CSMD1: variants seen among roughly 807,000 people sequenced by gnomAD.
CSMD1 encodes the protein CUB and Sushi multiple domains 1.
A neutral mutation model predicts 417.5 loss-of-function variants in CSMD1; 213 were observed. That is an observed-to-expected ratio of 0.51 (90% CI 0.46 to 0.57). CSMD1 has a LOEUF of 0.57. Among genes scored for constraint, CSMD1 ranks in the 20% least tolerant of loss-of-function variants. CSMD1 has a pLI of 0.00. For synonymous variants in CSMD1, 2,862 were observed against 1,736.8 expected (o/e 1.65, Z -16.11); for missense variants, 6,923 against 4,529.7 (o/e 1.53, Z -15.17).
chr8:4,806,115 C>T (rs1159666300), intron 1 of CSMD1, among the ~76,000 whole-genome samples: 2 of 152,110 alleles, frequency 1.3e-5, no homozygotes, highest in Non-Finnish European at 2.9e-5. Context: ...CCAGCAAAAA[C>T]GTTTAATTAC....
In CSMD1 at chr8:3,511,490, C is replaced by T. The variant is rs566342636; in HGVS notation, c.1345-17764G>A. 1.1e-4 allele frequency among the ~76,000 whole-genome samples: 16 copies of T among 151,834 alleles called. 1 individual carries two copies. The highest frequency in any genetic ancestry group is 3.2e-4 in the African/African-American group (13 of 41,144). ...CTGTGGCCAGCCAGGCACGTTGGCT[C>T]ACGGCTGTAATCCCTGCACTTTGGG... is the stretch of plus-strand genomic sequence containing the variant. On this transcript the variant is annotated intron_variant, in intron 10 of 69. Coordinates refer to ENST00000635120, the MANE Select transcript of CSMD1 (RefSeq NM_033225.6).
intron 33 of CSMD1, among the ~76,000 whole-genome samples, chr8:3,193,121 C>G (rs1796514769): frequency 6.6e-6 from 1 of 152,018 alleles, no homozygotes; most frequent in Admixed American, 6.6e-5. Context: ...TATCTGGGAG[C>G]TATACAAATA....
At chr8:3,694,530 C>T (rs899588723) in intron 7 of CSMD1, among the ~76,000 whole-genome samples, 4 of 151,932 alleles carry the variant, frequency 2.6e-5, no homozygotes, top group Non-Finnish European at 4.4e-5. Context: ...ATCAGGAGGC[C>T]GGGTGAGATC....
At chr8:4,279,673 T>C (rs1441116896) in intron 3 of CSMD1, among the ~76,000 whole-genome samples, 8 of 152,222 alleles carry the variant, frequency 5.3e-5, no homozygotes, top group South Asian at 4.1e-4. Flanking sequence ...GTTCAACTTA[T>C]AATTAGCCAA....
intron 10 of CSMD1, among the ~76,000 whole-genome samples, chr8:3,501,077 T>C (rs141553967): frequency 0.013 from 2,025 of 152,150 alleles, 45 homozygotes; most frequent in African/African-American, 0.046. Context: ...TTCCCAAAAA[T>C]CAAAAATAAA....
At chr8:3,193,205 A>C (rs1796517575) in intron 33 of CSMD1, among the ~76,000 whole-genome samples, 1 of 152,222 alleles carries the variant, frequency 6.6e-6, no homozygotes, top group African/African-American at 2.4e-5. Flanking sequence ...AGTTCCCAAA[A>C]TGAGGAGAAA....
chr8:3,344,126 T>C (rs1205826812), intron 22 of CSMD1, among the ~76,000 whole-genome samples: 1 of 152,196 alleles, frequency 6.6e-6, no homozygotes, highest in Non-Finnish European at 1.5e-5. Context: ...AAGACAAGGC[T>C]TGGTTTTGAC....
At chr8:4,733,391 C>G (rs996854270) in intron 1 of CSMD1, among the ~76,000 whole-genome samples, 1 of 152,162 alleles carries the variant, frequency 6.6e-6, no homozygotes, top group Non-Finnish European at 1.5e-5. Flanking sequence ...GACTCATGCC[C>G]AGAATAACCA....
chr8:4,213,259 G>C (rs1303797941), intron 3 of CSMD1, among the ~76,000 whole-genome samples: 1 of 152,144 alleles, frequency 6.6e-6, no homozygotes, highest in East Asian at 1.9e-4. Flanking sequence ...CTGTCAGCAA[G>C]TGAGGCGGGG....
chr8:3,995,909 TAC>T (rs1360140350), intron 5 of CSMD1, among the ~76,000 whole-genome samples: 1 of 152,116 alleles, frequency 6.6e-6, no homozygotes, highest in East Asian at 1.9e-4. Flanking sequence ...CCCTAGCAAA[TAC>T]AGAGAGAGAT....
chr8:3,668,224 C>T (rs1407610288), intron 7 of CSMD1, among the ~76,000 whole-genome samples: 2 of 152,068 alleles, frequency 1.3e-5, no homozygotes, highest in African/African-American at 2.4e-5. Flanking sequence ...AACTGACATC[C>T]GTCCACCACT....
intron 18 of CSMD1, among the ~76,000 whole-genome samples, chr8:3,372,556 G>A (rs527852038): frequency 2.0e-5 from 3 of 152,230 alleles, no homozygotes; most frequent in East Asian, 1.9e-4. Context: ...AGGTAGAGCC[G>A]GTGGGACTTT....
At chr8:4,013,331 T>TTG (rs1224110597) in intron 4 of CSMD1, among the ~76,000 whole-genome samples, 9 of 152,176 alleles carry the variant, frequency 5.9e-5, no homozygotes, top group Non-Finnish European at 1.3e-4. Context: ...CGTACGCTGT[T>TTG]GTCTCAAGGC....
At chr8:4,799,743 G>T (rs1037916056) in intron 1 of CSMD1, among the ~76,000 whole-genome samples, 3 of 149,744 alleles carry the variant, frequency 2.0e-5, no homozygotes, top group African/African-American at 7.4e-5. Flanking sequence ...ATGTCAAAAA[G>T]CTTTACATTT....
chr8:4,761,655 T>C (rs527293932), intron 1 of CSMD1, among the ~76,000 whole-genome samples: 5 of 152,206 alleles, frequency 3.3e-5, no homozygotes, highest in East Asian at 1.9e-4. Context: ...CAGAAGCATA[T>C]AGACTACCTT....
At chr8:4,381,573 C>G (rs1017340370) in intron 3 of CSMD1, among the ~76,000 whole-genome samples, 1 of 151,894 alleles carries the variant, frequency 6.6e-6, no homozygotes, top group African/African-American at 2.4e-5. Flanking sequence ...GCAATTCTGC[C>G]CAAAAGCAAT....
intron 5 of CSMD1, among the ~76,000 whole-genome samples, chr8:3,794,130 C>T (rs7018173): frequency 0.34 from 51,919 of 151,952 alleles, 9,457 homozygotes; most frequent in East Asian, 0.46. Flanking sequence ...CCTAATGAAC[C>T]GGTGTTTGTG....
In CSMD1 at chr8:3,184,537, A is replaced by AG. The variant is rs199589828; in HGVS notation, c.5621-3324dup. 8.5e-5 allele frequency among the ~76,000 whole-genome samples: 13 copies of AG among 152,306 alleles called. No individual in the cohort carries two copies. In the East Asian group the frequency reaches 2.5e-3, roughly 29 times the overall value. The stretch of plus-strand genomic sequence containing the variant: ...GGGCTAATGAAATAGCCATCAACTG[A>AG]GCTTCAGAATGGATATTTGCCTTCT... On this transcript the variant is annotated intron_variant, in intron 36 of 69. Transcript: ENST00000635120.
chr8:4,131,229 A>T (rs1252770246), intron 3 of CSMD1, among the ~76,000 whole-genome samples: 2 of 152,174 alleles, frequency 1.3e-5, no homozygotes, highest in African/African-American at 4.8e-5. Flanking sequence ...AGTATACGGC[A>T]TGTGGTGTGG....
Sources: allele counts gnomAD v4.1 joint callset (sites outside exome capture counted in the v4.1 genomes callset), GRCh38; gene constraint gnomAD v4.1.1; transcripts MANE v1.5; gene names NCBI Gene and HGNC (gene_info 2026-07-23, HGNC 2026-07-21).